Variants in WWOX observed in about 807,000 individuals in gnomAD.
The protein encoded by WWOX is WW domain-containing oxidoreductase.
Under a neutral mutation model 46.2 loss-of-function variants are expected in WWOX, and 69 were observed. The observed-to-expected ratio is 1.49, with a 90% CI of 1.23 to 1.82. WWOX has a LOEUF of 1.82. WWOX is among the 40% of genes most tolerant of loss of function. The probability of loss-of-function intolerance (pLI) is 0.00; values close to 1 mark genes in which losing one functional copy is unlikely to be tolerated. For missense variants in WWOX, 919 were observed against 542.6 expected (o/e 1.69, Z -6.89); for synonymous variants, 359 against 202.6 (o/e 1.77, Z -6.56).
At chr16:78,947,067 A>T (rs74656666) in intron 8 of WWOX, among the ~76,000 whole-genome samples, 2,703 of 113,354 alleles carry the variant, frequency 0.024, 31 homozygotes, top group Non-Finnish European at 0.037. Context: ...TTCTTTTTTT[A>T]AAAAAAAGCC....
rs149545599 is a variant in WWOX, at chr16:78,375,179, A to G, written c.517-11681A>G. The stretch of plus-strand genomic sequence containing the variant: ...CTCTTTCGATTCATCTGTAAAGTAA[A>G]AATAACCGTCGTCGTCATTTCTCAA... On this transcript the variant is annotated intron_variant, in intron 5 of 8. Transcript: ENST00000566780. 7.9e-3 allele frequency among the ~76,000 whole-genome samples: 1,205 copies of G among 152,352 alleles called. 16 individuals are homozygous for G. The highest frequency in any genetic ancestry group is 0.024 in the Middle Eastern group (7 of 294).
At chr16:78,398,094 CAGA>C (rs2082329661) in intron 6 of WWOX, among the ~76,000 whole-genome samples, 1 of 152,190 alleles carries the variant, frequency 6.6e-6, no homozygotes, top group African/African-American at 2.4e-5. Context: ...ATCAAGTAGA[CAGA>C]AGAAGACCAA....
At chr16:78,646,169 G>A (rs572399512) in intron 8 of WWOX, among the ~76,000 whole-genome samples, 1 of 152,144 alleles carries the variant, frequency 6.6e-6, no homozygotes, top group Non-Finnish European at 1.5e-5. Flanking sequence ...GGTAGAGCAT[G>A]GATGCCTTTT....
intron 8 of WWOX, among the ~76,000 whole-genome samples, chr16:78,580,675 G>A (rs990682194): frequency 2.6e-5 from 4 of 152,216 alleles, no homozygotes; most frequent in Non-Finnish European, 4.4e-5. Flanking sequence ...CTTGTTTGCA[G>A]AGTATATGAA....
At chr16:79,143,805 G>A (rs1342518475) in intron 8 of WWOX, among the ~76,000 whole-genome samples, 1 of 152,118 alleles carries the variant, frequency 6.6e-6, no homozygotes, top group Non-Finnish European at 1.5e-5. Flanking sequence ...CACACAGCTG[G>A]TAGGAGTTTT....
At chr16:78,153,574 C>T (rs2034493457) in intron 4 of WWOX, among the ~76,000 whole-genome samples, 1 of 151,966 alleles carries the variant, frequency 6.6e-6, no homozygotes, top group Non-Finnish European at 1.5e-5. Flanking sequence ...TGATTGGTTC[C>T]TAAAGATCGT....
intron 8 of WWOX, chr16:78,873,601 A>G (rs1227552179): frequency 6.6e-6 from 1 of 151,900 alleles, no homozygotes; most frequent in Non-Finnish European, 1.5e-5. Flanking sequence ...AGCCTGGGGA[A>G]CATACTGACA....
At chr16:78,696,233 G>A (rs1336555844) in intron 8 of WWOX, among the ~76,000 whole-genome samples, 1 of 152,160 alleles carries the variant, frequency 6.6e-6, no homozygotes, top group Non-Finnish European at 1.5e-5. Context: ...AACAAAGAGT[G>A]ATACTAATAC....
chr16:78,733,288 T>A (rs905571838), intron 8 of WWOX, among the ~76,000 whole-genome samples: 1 of 151,900 alleles, frequency 6.6e-6, no homozygotes, highest in Non-Finnish European at 1.5e-5. Context: ...GATCACTGTT[T>A]CTACAAAAAA....
intron 8 of WWOX, among the ~76,000 whole-genome samples, chr16:79,127,589 G>C (rs773459586): frequency 6.6e-6 from 1 of 152,090 alleles, no homozygotes; most frequent in African/African-American, 2.4e-5. Flanking sequence ...CACCGACATC[G>C]CTTCCCACGT....
rs1453325212 is a variant in WWOX, at chr16:78,317,440, G to A, written c.517-69420G>A. Among the ~76,000 whole-genome samples the A allele has an allele frequency of 3.3e-5, 5 of 152,106 alleles. No homozygotes were observed. The East Asian group carries it at 7.7e-4, about 23-fold the overall frequency. ...CAATCATCCTACAATGTGCAGGACC[G>A]TGCCCACACAAAGAATGACCCGTCC... On this transcript the variant is annotated intron_variant, in intron 5 of 8. Transcript: ENST00000566780.
At chr16:78,110,394 C>T (rs1421642594) in intron 3 of WWOX, among the ~76,000 whole-genome samples, 1 of 150,614 alleles carries the variant, frequency 6.6e-6, no homozygotes, top group Non-Finnish European at 1.5e-5. Flanking sequence ...GTTTAGTAAC[C>T]TGCTTTTTCC....
At position 79,062,068 on chromosome 16, in the gene WWOX, A is replaced by C. The variant is rs2048366363; in HGVS notation, c.1057-149540A>C. 2.0e-5 allele frequency among the ~76,000 whole-genome samples: 3 copies of C among 152,166 alleles called. No individual in the cohort carries two copies. In the South Asian group the frequency reaches 6.2e-4, roughly 32 times the overall value. On this transcript the variant is annotated intron_variant, in intron 8 of 8. Coordinates refer to ENST00000566780, the MANE Select transcript of WWOX (RefSeq NM_016373.4). ...CCTTATCAGCAAAACTTCAGCTAGAAGATGCAAGGGTGAAATACACCTCCC... is the reference window on the plus strand; with the variant it reads ...CCTTATCAGCAAAACTTCAGCTAGACGATGCAAGGGTGAAATACACCTCCC...
At chr16:79,008,418 C>T (rs1028887978) in intron 8 of WWOX, among the ~76,000 whole-genome samples, 3 of 152,180 alleles carry the variant, frequency 2.0e-5, no homozygotes, top group African/African-American at 4.8e-5. Context: ...TGCGAAATTC[C>T]TCCCCCTTTG....
At chr16:78,961,519 G>A (rs2046270810) in intron 8 of WWOX, among the ~76,000 whole-genome samples, 1 of 151,994 alleles carries the variant, frequency 6.6e-6, no homozygotes, top group South Asian at 2.1e-4. Flanking sequence ...GTGGAATGGT[G>A]GGTGGTAGGT....
At chr16:78,313,681 G>C (rs541987775) in intron 5 of WWOX, among the ~76,000 whole-genome samples, 1 of 152,046 alleles carries the variant, frequency 6.6e-6, no homozygotes, top group Non-Finnish European at 1.5e-5. Flanking sequence ...TTTTTCCTAC[G>C]TACCGTGATT....
intron 8 of WWOX, among the ~76,000 whole-genome samples, chr16:78,905,003 T>C (rs2151246985): frequency 6.6e-6 from 1 of 152,324 alleles, no homozygotes; most frequent in South Asian, 2.1e-4. Flanking sequence ...TATAGTGTTA[T>C]TATAACTACA....
intron 6 of WWOX, among the ~76,000 whole-genome samples, chr16:78,388,039 T>A (rs2082096452): frequency 6.6e-6 from 1 of 152,086 alleles, no homozygotes; most frequent in South Asian, 2.1e-4. Context: ...CACACTGCTG[T>A]CTAGTGTCCA....
chr16:78,941,709 GTT>G (rs2045855315), intron 8 of WWOX, among the ~76,000 whole-genome samples: 1 of 152,020 alleles, frequency 6.6e-6, no homozygotes, highest in Admixed American at 6.5e-5. Context: ...AAATTCTCAG[GTT>G]TCCTTTCCCA....
Sources: allele counts gnomAD v4.1 joint callset (sites outside exome capture counted in the v4.1 genomes callset), GRCh38; gene constraint gnomAD v4.1.1; transcripts MANE v1.5; gene names NCBI Gene and HGNC (gene_info 2026-07-23, HGNC 2026-07-21).